The following GUCA1C variants were observed in gnomAD, a reference collection of about 807,000 sequenced individuals.
The protein encoded by GUCA1C is guanylyl cyclase-activating protein 3.
GUCA1C carries 15 observed loss-of-function variants against 16.2 expected under a neutral mutation model. The ratio of observed to expected loss-of-function variants is 0.93; its 90% confidence interval spans 0.62 to 1.43. The LOEUF (loss-of-function observed/expected upper bound fraction) is 1.43, where lower values mean the gene tolerates loss of function less well. Ranked by LOEUF, GUCA1C falls within the 40% of genes most tolerant of loss-of-function variation. The pLI is 0.00. For synonymous variants in GUCA1C, 78 were observed against 85.4 expected, an observed-to-expected ratio of 0.91 and a Z score of 0.48; for missense variants, 275 against 244.8, an observed-to-expected ratio of 1.12 and a Z score of -0.82.
intron 3 of GUCA1C, 147 bp from the exon 4 acceptor site, chr3:108,908,356 C>CA (rs540540488): frequency 0.042 from 13,493 of 317,874 alleles, 162 homozygotes; most frequent in Middle Eastern, 0.061. Flanking sequence ...TTCATTTAAA[C>CA]AAAAAAAAAA....
At chr3:108,919,481 C>T (rs375569325) in intron 2 of GUCA1C, among the ~76,000 whole-genome samples, 9 of 152,136 alleles carry the variant, frequency 5.9e-5, no homozygotes, top group African/African-American at 2.2e-4. Context: ...CAAGTGAATC[C>T]TAGCACATTT....
chr3:108,939,803 C>A (rs914957462), intron 1 of GUCA1C, among the ~76,000 whole-genome samples: 2 of 152,132 alleles, frequency 1.3e-5, no homozygotes, highest in African/African-American at 4.8e-5. Flanking sequence ...CAGTGATCCT[C>A]ATGTGTGGCT....
At chr3:108,918,483 A>T (rs1946539064) in intron 2 of GUCA1C, among the ~76,000 whole-genome samples, 1 of 152,162 alleles carries the variant, frequency 6.6e-6, no homozygotes, top group African/African-American at 2.4e-5. Context: ...CATGACTCAG[A>T]CACTCACTGC....
At chr3:108,921,525 A>T (rs1342282132) in intron 1 of GUCA1C, among the ~76,000 whole-genome samples, 1 of 152,198 alleles carries the variant, frequency 6.6e-6, no homozygotes, top group African/African-American at 2.4e-5. Context: ...CTATCTTTCA[A>T]AGTAGTTGAA....
At chr3:108,923,326 T>C (rs1946587960) in intron 1 of GUCA1C, among the ~76,000 whole-genome samples, 1 of 152,162 alleles carries the variant, frequency 6.6e-6, no homozygotes, top group Non-Finnish European at 1.5e-5. Flanking sequence ...CTTTGATCCA[T>C]CTTGATTTGA....
chr3:108,918,187 G>T (rs190986407), intron 2 of GUCA1C, among the ~76,000 whole-genome samples: 33 of 152,282 alleles, frequency 2.2e-4, no homozygotes, highest in Middle Eastern at 3.4e-3. Flanking sequence ...ACAGCCCTAC[G>T]CCCTCTCTAC....
intron 1 of GUCA1C, among the ~76,000 whole-genome samples, chr3:108,930,277 T>C (rs1324466465): frequency 1.3e-5 from 2 of 152,164 alleles, no homozygotes; most frequent in Admixed American, 6.5e-5. Flanking sequence ...TGACATAAAG[T>C]AAACCACTGC....
chr3:108,908,303 G>T, intron 3 of GUCA1C, 94 bp from the exon 4 acceptor site: 3 of 522,820 alleles, frequency 5.7e-6, no homozygotes. Flanking sequence ...ATATTCTTTT[G>T]ATATCCTTTC....
intron 1 of GUCA1C, among the ~76,000 whole-genome samples, chr3:108,921,014 T>C (rs1946565179): frequency 6.6e-6 from 1 of 152,198 alleles, no homozygotes; most frequent in Admixed American, 6.5e-5. Context: ...AGTCTAGATA[T>C]ATAATGCCAT....
At chr3:108,929,262 T>A (rs1163725070) in intron 1 of GUCA1C, among the ~76,000 whole-genome samples, 1 of 152,214 alleles carries the variant, frequency 6.6e-6, no homozygotes, top group Admixed American at 6.5e-5. Flanking sequence ...GACTGATGAC[T>A]TTTGTATAGA....
intron 1 of GUCA1C, among the ~76,000 whole-genome samples, chr3:108,933,280 A>T (rs1052583994): frequency 1.3e-5 from 2 of 152,198 alleles, no homozygotes; most frequent in Admixed American, 1.3e-4. Flanking sequence ...CATTTTACCC[A>T]TTCTAGTGAG....
At chr3:108,931,865 C>CTT (rs59451506) in intron 1 of GUCA1C, among the ~76,000 whole-genome samples, 3,628 of 110,078 alleles carry the variant, frequency 0.033, 394 homozygotes, top group Middle Eastern at 0.11. Context: ...TTTCTTCCTT[C>CTT]TTTTTTTTTT....
intron 1 of GUCA1C, among the ~76,000 whole-genome samples, chr3:108,934,958 C>T (rs934272453): frequency 2.0e-5 from 3 of 151,796 alleles, no homozygotes; most frequent in East Asian, 1.9e-4. Context: ...GGACTACAGG[C>T]GCCCGCCACC....
rs555643522 is a variant in GUCA1C, at chr3:108,937,111, C to T, written c.204+16448G>A. Reference sequence around the variant, plus strand: ...CCTTCCAAGGCCTGACGTGTTCATCCTTGTCCAGCCTCAACTGACCTTGTT... The same window carrying T: ...CCTTCCAAGGCCTGACGTGTTCATCTTTGTCCAGCCTCAACTGACCTTGTT... On this transcript the variant is annotated intron_variant, in intron 1 of 3. Coordinates refer to ENST00000261047, the MANE Select transcript of GUCA1C (RefSeq NM_005459.4). 7.9e-5 allele frequency among the ~76,000 whole-genome samples: 12 copies of T among 152,304 alleles called. No individual in the cohort carries two copies. In the East Asian group the frequency reaches 2.3e-3, roughly 29 times the overall value.
chr3:108,913,192 C>G (rs149843614), intron 3 of GUCA1C, among the ~76,000 whole-genome samples: 1 of 150,704 alleles, frequency 6.6e-6, no homozygotes, highest in Non-Finnish European at 1.5e-5. Context: ...ATTATATTAT[C>G]GGCATAATGA....
chr3:108,951,899 A>T (rs1471008642), intron 1 of GUCA1C, among the ~76,000 whole-genome samples: 1 of 152,234 alleles, frequency 6.6e-6, no homozygotes, highest in Non-Finnish European at 1.5e-5. Context: ...TTCATCTGAC[A>T]GCAGATCCTT....
chr3:108,954,739 T>G (rs936044692), upstream of GUCA1C, among the ~76,000 whole-genome samples: 1 of 147,570 alleles, frequency 6.8e-6, no homozygotes, highest in African/African-American at 2.5e-5. Flanking sequence ...GTTCTCCTTT[T>G]TTTTTTTTTT....
At chr3:108,935,912 AAATCAC>A (rs1946722924) in intron 1 of GUCA1C, among the ~76,000 whole-genome samples, 2 of 152,314 alleles carry the variant, frequency 1.3e-5, no homozygotes, top group South Asian at 4.1e-4. Context: ...GAGCTCCCAG[AAATCAC>A]AGGTGTTTTC....
rs373096718 is a variant in GUCA1C at position 108,917,170 on chromosome 3, C to T, written c.355-956G>A. Among the ~76,000 whole-genome samples, 5 of 152,266 alleles carry T rather than the reference C, an allele frequency of 3.3e-5. 1 individual carries two copies. The East Asian group carries it at 9.7e-4, about 29-fold the overall frequency. On this transcript the variant is annotated intron_variant, in intron 2 of 3. Coordinates refer to ENST00000261047, the MANE Select transcript of GUCA1C (RefSeq NM_005459.4). ...AGTAATAGTTACATACATACAGCAT[C>T]ACATTTGAAGAAAATTTTAAGGATT...
Sources: gnomAD v4.1 joint callset for allele counts (sites outside exome capture counted in the v4.1 genomes callset) on GRCh38, gnomAD v4.1.1 for gene constraint, MANE v1.5 for transcripts, NCBI Gene and HGNC (gene_info 2026-07-23, HGNC 2026-07-21) for gene names.